The following RSPH3 variants were observed in gnomAD, a reference collection of about 807,000 sequenced individuals.
RSPH3 encodes radial spoke head 3, also known as radial spoke head protein 3 homolog.
In RSPH3, 21 loss-of-function variants were observed where a neutral mutation model predicts 43.8. The observed-to-expected ratio is 0.48, with a 90% CI of 0.34 to 0.69. The LOEUF (loss-of-function observed/expected upper bound fraction) is 0.69. RSPH3 is among the 30% of genes least tolerant of loss of function. The pLI, the probability that RSPH3 is intolerant of heterozygous loss-of-function variation, is 0.01. For synonymous variants in RSPH3, 173 were observed against 179.8 expected, an observed-to-expected ratio of 0.96 and a Z score of 0.30; for missense variants, 487 against 516.0, an observed-to-expected ratio of 0.94 and a Z score of 0.54.
In RSPH3 at chr6:158,979,886, T is replaced by C. The variant is rs563494186; in HGVS notation, c.859+888A>G. ...GCTAGGAACGTGGACTTTGAGGGGA[T>C]ACAGACAGACAGCTATCAGGCTATG... is the stretch of plus-strand genomic sequence containing the variant. On this transcript the variant is annotated intron_variant, in intron 6 of 7. Coordinates refer to ENST00000367069, the MANE Select transcript of RSPH3 (RefSeq NM_031924.8). Among the ~76,000 whole-genome samples the C allele has an allele frequency of 7.9e-5, 12 of 152,222 alleles. No individual in the cohort carries two copies. In the South Asian group the frequency reaches 2.3e-3, roughly 29 times the overall value.
intron 1 of RSPH3, among the ~76,000 whole-genome samples, chr6:158,998,880 A>G (rs1462483850): frequency 6.6e-6 from 1 of 151,188 alleles, no homozygotes; most frequent in African/African-American, 2.5e-5. Flanking sequence ...CAAAACAACA[A>G]CAGCAACCAC....
chr6:158,992,162 G>C (rs916450583), intron 2 of RSPH3, among the ~76,000 whole-genome samples: 1 of 146,072 alleles, frequency 6.8e-6, no homozygotes, highest in African/African-American at 2.5e-5. Flanking sequence ...ACGTGGATTT[G>C]AATGCTATTA....
chr6:158,982,998 A>G (rs1180502891), intron 4 of RSPH3, among the ~76,000 whole-genome samples: 1 of 152,200 alleles, frequency 6.6e-6, no homozygotes, highest in African/African-American at 2.4e-5. Flanking sequence ...TTATTTTTAA[A>G]TAACAGTTTG....
intron 5 of RSPH3, among the ~76,000 whole-genome samples, chr6:158,982,167 C>T (rs1778054201): frequency 6.6e-6 from 1 of 152,168 alleles, no homozygotes; most frequent in South Asian, 2.1e-4. Context: ...CAACATACAT[C>T]TTTCTTTCTT....
chr6:158,983,359 G>T (rs1032009109), intron 4 of RSPH3, among the ~76,000 whole-genome samples: 20 of 151,804 alleles, frequency 1.3e-4, no homozygotes, highest in African/African-American at 4.8e-4. Flanking sequence ...TCCCTATTTA[G>T]TACAAATCTA....
rs774508665 is a variant in RSPH3, at chr6:158,989,055, T to A, written c.205-2634A>T. 1.4e-4 allele frequency among the ~76,000 whole-genome samples: 21 copies of A among 151,910 alleles called. No individual in the cohort carries two copies. Among genetic ancestry groups the A allele is most frequent in the African/African-American group, 1.9e-4 (8 of 41,372 alleles). ...GATATATTTTCTTAGAGTTTTTTTT[T>A]ATCTTTTTTGAGACAGAGTCTCGCT... On this transcript the variant is annotated intron_variant, in intron 2 of 7. Coordinates refer to ENST00000367069, the MANE Select transcript of RSPH3 (RefSeq NM_031924.8). This position sits in a 1 kb window ranked among gnomAD's most constrained non-coding sequence, Gnocchi z 4.3.
rs1310982923 is a variant in RSPH3 at position 158,976,464 on chromosome 6, AAAAAT to A, written c.*1069_*1073del. ...AAGATCTAAGACATTCTCTTAAGTG[AAAAAT>A]AAAATATGTAAATAATGTTTATATT... On this transcript the variant is annotated 3_prime_UTR_variant, in exon 8 of 8. Transcript: ENST00000367069. The A allele has an allele frequency of 6.6e-6, 1 of 152,332 alleles. No homozygotes were observed. Among genetic ancestry groups the A allele is most frequent in the Non-Finnish European group, 1.5e-5 (1 of 68,022 alleles). The allele number at this position is 152,332 out of a possible 1,614,324, so 9.4% of individuals were successfully genotyped here.
chr6:158,997,811 T>C (rs977545953), intron 1 of RSPH3, among the ~76,000 whole-genome samples: 1 of 152,212 alleles, frequency 6.6e-6, no homozygotes, highest in African/African-American at 2.4e-5. Flanking sequence ...ATTGAATCCT[T>C]TTCTAATATA....
chr6:158,965,136 T>C, the RSPH3 span, among the ~76,000 whole-genome samples: 4 of 152,166 alleles, frequency 2.6e-5, no homozygotes, highest in East Asian at 7.7e-4. Context: ...TTCTAGACTC[T>C]GTAGTATTCC....
chr6:158,977,562 G>C lies in RSPH3; in HGVS notation c.1233C>G (p.Ser411=), dbSNP rs1777884482. The C allele has an allele frequency of 6.2e-7, 1 of 1,612,242 alleles. No individual in the cohort carries two copies. The change falls in exon 8 of 8, where the codon TCC becomes TCG. Residue 411 remains serine (S), a synonymous_variant. Transcript: ENST00000367069. Reference sequence around the variant, plus strand: ...CCTATGACAATTCTTCCTCCCCTAAGGACTTCCTCATTGCTGTTTCTTCAT... The same window carrying C: ...CCTATGACAATTCTTCCTCCCCTAACGACTTCCTCATTGCTGTTTCTTCAT... ...GQDEETAMRK[S]LGEEELS
At chr6:158,988,705 G>A (rs1057416063) in intron 2 of RSPH3, among the ~76,000 whole-genome samples, 1 of 152,032 alleles carries the variant, frequency 6.6e-6, no homozygotes, top group Non-Finnish European at 1.5e-5. Context: ...TTCAACAAAT[G>A]TATTACTCAG....
chr6:158,982,724 A>T (rs777799017), intron 4 of RSPH3, 36 bp from the exon 5 acceptor site: 2 of 1,440,550 alleles, frequency 1.4e-6, no homozygotes, highest in Non-Finnish European at 1.9e-6. Context: ...TTAAAATTTT[A>T]ATTACGAATC....
intron 2 of RSPH3, chr6:158,988,284 A>G (rs1415842286): frequency 6.6e-6 from 1 of 151,678 alleles, no homozygotes; most frequent in African/African-American, 2.4e-5. Context: ...CATGTATGCT[A>G]TTTGCTTCTT....
chr6:158,981,549 T>G (rs1220757536), intron 5 of RSPH3, among the ~76,000 whole-genome samples: 1 of 149,706 alleles, frequency 6.7e-6, no homozygotes, highest in Non-Finnish European at 1.5e-5. Context: ...TGTTTCCAAA[T>G]AGTAAATAAA....
At chr6:158,984,434 T>TTTTATATATATATATATACATATATA (rs1300418942) in intron 3 of RSPH3, among the ~76,000 whole-genome samples, 1 of 63,708 alleles carries the variant, frequency 1.6e-5, no homozygotes, top group African/African-American at 8.1e-5. Context: ...AAAAAGTCAA[T>TTTTATATATATATATATACATATATA]TATATATATA....
chr6:158,967,533 T>C, the RSPH3 span, among the ~76,000 whole-genome samples: 1 of 152,238 alleles, frequency 6.6e-6, no homozygotes, highest in Non-Finnish European at 1.5e-5. Context: ...TCCTGGAGAA[T>C]GTTCCATGTG....
In RSPH3 at chr6:158,983,776, T is replaced by A; in HGVS notation, c.378A>T (p.Ile126=). 1 of 1,603,236 alleles carries A rather than the reference T, an allele frequency of 6.2e-7. No homozygotes were observed. Among genetic ancestry groups the A allele is most frequent in the Non-Finnish European group, 8.5e-7 (1 of 1,170,214 alleles). Residue 126 remains isoleucine (I), a synonymous_variant, in exon 4 of 8, where the codon ATA becomes ATT. Coordinates refer to ENST00000367069, the MANE Select transcript of RSPH3 (RefSeq NM_031924.8). ...ELYLEEIADR[I]IEVDMECQTD... is the part of the protein sequence containing the mutation. ...TTTGGCATTCCATATCAACTTCTAT[T>A]ATGCGATCAGCAATTTCTTCAAGGT...
chr6:159,000,113 C>G lies in RSPH3; in HGVS notation c.-563G>C, dbSNP rs1439837054. The G allele has an allele frequency of 2.2e-6, 2 of 927,860 alleles. No individual in the cohort carries two copies. Among genetic ancestry groups the G allele is most frequent in the Non-Finnish European group, 3.1e-6 (2 of 645,720 alleles). The allele number at this position is 927,860 out of a possible 1,614,324, so 57.5% of individuals were successfully genotyped here. ...GGGTGTCCTCGGCTGTTTCTCCTGC[C>G]GCGGCGCAGCAGCGCTCCCAGGCTG... On this transcript the variant is annotated 5_prime_UTR_variant, in exon 1 of 8. Transcript: ENST00000367069.
intron 2 of RSPH3, among the ~76,000 whole-genome samples, chr6:158,987,798 C>T (rs1415947640): frequency 1.3e-5 from 2 of 152,164 alleles, no homozygotes; most frequent in Non-Finnish European, 2.9e-5. Flanking sequence ...TGTCTCATTG[C>T]ACATATTTTT....
Sources: gnomAD v4.1 joint callset for allele counts (sites outside exome capture counted in the v4.1 genomes callset) on GRCh38, gnomAD v4.1.1 for gene constraint, Gnocchi (gnomAD v3.1) non-coding constraint, MANE v1.5 for transcripts, NCBI Gene and HGNC (gene_info 2026-07-23, HGNC 2026-07-21) for gene names.